The following SEC24A variants were observed in gnomAD, a reference collection of about 807,000 sequenced individuals.
SEC24A encodes SEC24 homolog A, COPII component, also known as protein transport protein Sec24A.
SEC24A carries 93 observed loss-of-function variants against 129.4 expected under a neutral mutation model. The ratio of observed to expected loss-of-function variants is 0.72; its 90% confidence interval spans 0.61 to 0.85. The LOEUF is 0.85. SEC24A is among the 40% of genes least tolerant of loss of function. The pLI is 0.00. For synonymous variants in SEC24A, 460 were observed against 467.3 expected (o/e 0.98, Z 0.20); for missense variants, 1,264 against 1,307.4 (o/e 0.97, Z 0.51).
chr5:134,659,671 A>C (rs1750380972), intron 1 of SEC24A, among the ~76,000 whole-genome samples: 1 of 139,938 alleles, frequency 7.1e-6, no homozygotes, highest in South Asian at 2.2e-4. Flanking sequence ...TTTTTGAGAC[A>C]GGATACAGGG....
intron 14 of SEC24A, 63 bp downstream of exon 14, chr5:134,697,309 T>A: frequency 7.3e-7 from 1 of 1,373,454 alleles, no homozygotes; most frequent in Non-Finnish European, 1.0e-6. Flanking sequence ...CCTTATATGA[T>A]AGTGTTCTAA....
chr5:134,711,005 A>C (rs1487365263), intron 18 of SEC24A, among the ~76,000 whole-genome samples: 1 of 152,094 alleles, frequency 6.6e-6, no homozygotes, highest in Non-Finnish European at 1.5e-5. Flanking sequence ...GCATGGTGGC[A>C]CATACCTGTA....
At chr5:134,674,571 AT>A in intron 4 of SEC24A, 43 bp from the exon 5 acceptor site, 1 of 1,556,688 alleles carries the variant, frequency 6.4e-7, no homozygotes, top group East Asian at 2.3e-5. Context: ...TAAATCAAGT[AT>A]TCTGGAGTAT....
intron 1 of SEC24A, among the ~76,000 whole-genome samples, chr5:134,649,571 G>A (rs1418471841): frequency 2.0e-5 from 3 of 152,240 alleles, no homozygotes; most frequent in Admixed American, 1.3e-4. Flanking sequence ...GCCCTGAAGT[G>A]GGGTGGGGGT....
chr5:134,723,133 G>A (rs1408122465), intron 21 of SEC24A, among the ~76,000 whole-genome samples: 1 of 152,070 alleles, frequency 6.6e-6, no homozygotes, highest in Admixed American at 6.6e-5. Flanking sequence ...ACTTCAGCCT[G>A]GGCAACAGAG....
intron 10 of SEC24A, among the ~76,000 whole-genome samples, chr5:134,687,352 G>T (rs568231526): frequency 1.3e-5 from 2 of 152,178 alleles, no homozygotes; most frequent in South Asian, 4.1e-4. Flanking sequence ...GTTCCTAGTT[G>T]TCTCAAAAAT....
In SEC24A at chr5:134,671,862, G is replaced by A. The variant is rs769794390; in HGVS notation, c.793G>A (p.Glu265Lys). The stretch of plus-strand genomic sequence containing the variant: ...TATGGTGGTCCACAGTAGTTACGAC[G>A]AGATTGAAGGAGGTGGCTTATTGGG... ...GSMVVHSSYDEIEGGGLLATP... is the reference protein window; with the variant it reads ...GSMVVHSSYDKIEGGGLLATP... The change falls in exon 4 of 23, where the codon GAG (glutamate) becomes AAG (lysine). Residue 265 changes from glutamate to lysine, a missense_variant. Physicochemically the swap from Glu to Lys is moderately conservative, Grantham distance 56 (BLOSUM62 1). Transcript: ENST00000398844. 7.5e-6 allele frequency: 12 copies of A among 1,608,726 alleles called. No individual in the cohort carries two copies. Among genetic ancestry groups the A allele is most frequent in the African/African-American group, 1.3e-5 (1 of 74,648 alleles).
chr5:134,710,132 C>T (rs184985079), intron 18 of SEC24A, among the ~76,000 whole-genome samples: 3 of 152,074 alleles, frequency 2.0e-5, no homozygotes, highest in Non-Finnish European at 4.4e-5. Context: ...CTCCTGATCT[C>T]GGGTGATTCG....
chr5:134,666,725 A>T, intron 2 of SEC24A, 98 bp from the exon 3 acceptor site: 1 of 907,822 alleles, frequency 1.1e-6, no homozygotes, highest in Non-Finnish European at 1.8e-6. Flanking sequence ...ATTATAATTT[A>T]AATGTAAGTT....
chr5:134,656,284 GT>G (rs1561799824), intron 1 of SEC24A, among the ~76,000 whole-genome samples: 1 of 151,864 alleles, frequency 6.6e-6, no homozygotes, highest in Non-Finnish European at 1.5e-5. Flanking sequence ...GGGTTTCACC[GT>G]CTTAGGATGG....
intron 4 of SEC24A, among the ~76,000 whole-genome samples, chr5:134,672,568 G>T (rs1010008446): frequency 6.6e-6 from 1 of 151,886 alleles, no homozygotes; most frequent in African/African-American, 2.4e-5. Flanking sequence ...GGGCTCAAGC[G>T]ATCTGCCCAT....
chr5:134,675,224 C>A lies in SEC24A; in HGVS notation c.1151+7C>A. ...AACTCAACTGTAACCCAGAGTAAGG[C>A]TTCAGATGTGACATTATGCATGTCC... On this transcript the variant is annotated splice_region_variant and intron_variant, in intron 6 of 22. Coordinates refer to ENST00000398844, the MANE Select transcript of SEC24A (RefSeq NM_021982.3). The A allele has an allele frequency of 6.2e-7, 1 of 1,602,982 alleles. No homozygotes were observed. The highest frequency in any genetic ancestry group is 8.5e-7 in the Non-Finnish European group (1 of 1,172,160).
intron 4 of SEC24A, among the ~76,000 whole-genome samples, chr5:134,672,262 A>G (rs1244090215): frequency 2.6e-5 from 4 of 152,070 alleles, no homozygotes. Flanking sequence ...ATCTCGGTTC[A>G]CTGCAGCCTC....
chr5:134,718,175 T>C lies in SEC24A; in HGVS notation c.2970+2T>C. The C allele has an allele frequency of 6.2e-7, 1 of 1,609,202 alleles. No homozygotes were observed. The highest frequency in any genetic ancestry group is 2.2e-5 in the East Asian group (1 of 44,848). ...GCTTTCCTCATGGATGCAGGCTCTG[T>C]AAGTAATTTGACTTATCCTGACCCT... On this transcript the variant is annotated splice_donor_variant, in intron 20 of 22. Coordinates refer to ENST00000398844, the MANE Select transcript of SEC24A (RefSeq NM_021982.3). LOFTEE classifies it high-confidence loss of function.
intron 22 of SEC24A, 113 bp from the exon 23 acceptor site, chr5:134,724,867 A>G: frequency 1.6e-6 from 1 of 637,310 alleles, no homozygotes; most frequent in Non-Finnish European, 2.8e-6. Flanking sequence ...AGCCTCTAGA[A>G]GTAACTGTTT....
At chr5:134,709,836 GTTATTTTATT>G (rs58842185) in intron 18 of SEC24A, among the ~76,000 whole-genome samples, 9 of 151,760 alleles carry the variant, frequency 5.9e-5, no homozygotes, top group South Asian at 2.1e-4. Context: ...GACCATACAT[GTTATTTTATT>G]TTATTTTATT....
At chr5:134,659,576 A>T (rs1225649946) in intron 1 of SEC24A, among the ~76,000 whole-genome samples, 1 of 151,702 alleles carries the variant, frequency 6.6e-6, no homozygotes, top group South Asian at 2.1e-4. Context: ...TAGGTCTATG[A>T]TGGTGACTAC....
intron 1 of SEC24A, chr5:134,649,409 G>A: frequency 2.4e-6 from 1 of 409,806 alleles, no homozygotes; most frequent in Non-Finnish European, 4.4e-6. Flanking sequence ...AGCACCTGCT[G>A]TATGCAACGC....
chr5:134,680,243 G>T (rs1751218832), intron 8 of SEC24A, among the ~76,000 whole-genome samples: 1 of 152,174 alleles, frequency 6.6e-6, no homozygotes, highest in South Asian at 2.1e-4. Flanking sequence ...AATCAACAGG[G>T]TTCTGTTAGT....
Sources: allele counts gnomAD v4.1 joint callset (sites outside exome capture counted in the v4.1 genomes callset), GRCh38; gene constraint gnomAD v4.1.1; transcripts MANE v1.5; gene names NCBI Gene and HGNC (gene_info 2026-07-23, HGNC 2026-07-21).